The following ZFYVE26 variants were observed in gnomAD, a reference collection of about 807,000 sequenced individuals.
The protein encoded by ZFYVE26 is zinc finger FYVE domain-containing protein 26.
A neutral mutation model predicts 276.5 loss-of-function variants in ZFYVE26; 181 were observed. The ratio of observed to expected loss-of-function variants is 0.65; its 90% CI spans 0.58 to 0.74. The LOEUF (loss-of-function observed/expected upper bound fraction) is 0.74. Ranked by LOEUF, ZFYVE26 falls within the 30% of genes least tolerant of loss-of-function variation. The pLI, the probability that ZFYVE26 is intolerant of heterozygous loss-of-function variation, is 0.00. For missense variants in ZFYVE26, 2,821 were observed against 3,097.9 expected (o/e 0.91, Z 2.12); for synonymous variants, 1,129 against 1,203.1 (o/e 0.94, Z 1.27).
chr14:67,804,033 A>G, intron 9 of ZFYVE26, 68 bp downstream of exon 9: 1 of 1,595,678 alleles, frequency 6.3e-7, no homozygotes, highest in Non-Finnish European at 8.6e-7. Flanking sequence ...GATAAATCTC[A>G]TGCTGGAAGA....
At chr14:67,782,698 G>A (rs530170474) in intron 21 of ZFYVE26, 82 bp downstream of exon 21, 10 of 1,586,034 alleles carry the variant, frequency 6.3e-6, no homozygotes, top group African/African-American at 4.0e-5. Context: ...TAGAGTTACC[G>A]TGAGGATTAA....
At chr14:67,784,236 C>G in intron 20 of ZFYVE26, 98 bp downstream of exon 20, 1 of 1,011,688 alleles carries the variant, frequency 9.9e-7, no homozygotes, top group Admixed American at 1.7e-5. Context: ...AATCCCCACT[C>G]TCTGTGCTAA....
intron 10 of ZFYVE26, chr14:67,799,546 A>G (rs779935450): frequency 5.8e-6 from 9 of 1,543,146 alleles, no homozygotes; most frequent in Non-Finnish European, 7.2e-6. Context: ...AGATGGAAGC[A>G]AAGTACTGCA....
rs1039197349 is a variant in ZFYVE26, at chr14:67,762,008, T to A, written c.6369+195A>T. On this transcript the variant is annotated intron_variant, in intron 34 of 41. Transcript: ENST00000347230. ...AATTGTCTCCTTTTTTTAAAAAAAA[T>A]TACATCTATTACTTATCTAACCATA... is the stretch of plus-strand genomic sequence containing the variant. 16 of 615,156 alleles carry A rather than the reference T, an allele frequency of 2.6e-5. No homozygotes were observed. In the East Asian group the frequency reaches 3.1e-4, roughly 12 times the overall value. The allele number at this position is 615,156 out of a possible 1,614,324, so 38.1% of individuals were successfully genotyped here. A position where few individuals can be genotyped will look rare whatever the true frequency, so the allele number is the denominator to read the frequency against.
In ZFYVE26 at chr14:67,785,147, G is replaced by A. The variant is rs756973332; in HGVS notation, c.3435C>T (p.Gly1145=). The A allele has an allele frequency of 1.6e-5, 26 of 1,614,120 alleles. 1 individual carries two copies. The South Asian group carries it at 2.7e-4, about 17-fold the overall frequency. Residue 1145 remains glycine, a synonymous_variant, in exon 19 of 42, where the codon GGC becomes GGT. Coordinates refer to ENST00000347230, the MANE Select transcript of ZFYVE26 (RefSeq NM_015346.4). ...QKNLGKQTPS[G]SRQMDYLGTF... The stretch of plus-strand genomic sequence containing the variant: ...TGCCCAAGTAGTCCATCTGCCTGCT[G>A]CCTGATGGGGTCTGTTTGCCCAGGT...
chr14:67,803,968 C>A lies in ZFYVE26; in HGVS notation c.1435+133G>T, dbSNP rs2040127478. The A allele has an allele frequency of 3.4e-6, 4 of 1,176,130 alleles. No homozygotes were observed. In the African/African-American group the frequency reaches 4.5e-5, roughly 13 times the overall value. The allele number at this position is 1,176,130 out of a possible 1,614,324, so 72.9% of individuals were successfully genotyped here. The stretch of plus-strand genomic sequence containing the variant: ...TAAACTGATTAGGACAAACAGTGCT[C>A]ATTTAGAGGAGACCTCCTCACCACC... On this transcript the variant is annotated intron_variant, in intron 9 of 41. Transcript: ENST00000347230.
At chr14:67,797,451 G>A in intron 12 of ZFYVE26, 2 of 604,322 alleles carry the variant, frequency 3.3e-6, no homozygotes, top group Non-Finnish European at 5.9e-6. Flanking sequence ...ATAGTATAAT[G>A]CATGTGTATA....
chr14:67,729,487 C>A, exon 14 of ZFYVE26: 1 of 1,159,310 alleles, frequency 8.6e-7, no homozygotes, highest in Non-Finnish European at 1.3e-6. Context: ...ATGATGCAAT[C>A]CAGGTTTGGG....
exon 14 of ZFYVE26, chr14:67,729,520 G>A (rs1419412325): frequency 2.5e-6 from 2 of 801,440 alleles, no homozygotes; most frequent in Non-Finnish European, 4.2e-6. Context: ...ACAGAATGCC[G>A]TTGCTTTGTT....
chr14:67,729,714 A>G, exon 14 of ZFYVE26: 1 of 534,238 alleles, frequency 1.9e-6, no homozygotes. Flanking sequence ...CTTTTGGCTC[A>G]CTTGATTCAT....
intron 13 of ZFYVE26, 125 bp from the exon 14 acceptor site, chr14:67,793,884 GT>G (rs1203561247): frequency 8.8e-6 from 12 of 1,361,242 alleles, no homozygotes; most frequent in Non-Finnish European, 1.1e-5. Context: ...CTGTAAATAG[GT>G]CTTAATTTTT....
chr14:67,806,732 G>T, intron 5 of ZFYVE26, 57 bp from the exon 6 acceptor site: 1 of 1,607,402 alleles, frequency 6.2e-7, no homozygotes, highest in South Asian at 1.1e-5. Context: ...TTCTAAGCTA[G>T]AGCCCATTTG....
rs1394732167 is a variant in ZFYVE26, at chr14:67,756,029, T to C, written c.6705A>G (p.Gly2235=). The change falls in exon 36 of 42, where the codon GGA becomes GGG. Residue 2235 remains glycine (G), a synonymous_variant. Transcript: ENST00000347230. Reference sequence around the variant, plus strand: ...GTTGGCAGGCAGCAATCAAGTACTTTCCCCAGCTCTCCAAGGTTGGATCAA... The same window carrying C: ...GTTGGCAGGCAGCAATCAAGTACTTCCCCCAGCTCTCCAAGGTTGGATCAA... ...ESIDPTLESW[G]KYLIAACQHL... is the part of the protein sequence containing the mutation. The C allele has an allele frequency of 2.2e-5, 35 of 1,614,096 alleles. No individual in the cohort carries two copies. Among genetic ancestry groups the C allele is most frequent in the Non-Finnish European group, 3.0e-5 (35 of 1,180,048 alleles).
At chr14:67,754,269 C>G (rs2038721929) in intron 37 of ZFYVE26, 57 bp from the exon 38 acceptor site, 1 of 1,609,220 alleles carries the variant, frequency 6.2e-7, no homozygotes, top group Non-Finnish European at 8.5e-7. Flanking sequence ...GTGACTGAGG[C>G]CAGGAGACTG....
rs34373049 is a variant in ZFYVE26, at chr14:67,752,483, C to T, written c.7232G>A (p.Arg2411His). The stretch of plus-strand genomic sequence containing the variant: ...GTACTTCTCTTTCTCCACCAACTGG[C>T]GGGCAGCTCTGCAGTAGGTCATGGC... ...DAAMTYCRAA[R>H]QLVEKEKYSE... is the part of the protein sequence containing the mutation. Residue 2411 changes from arginine (R) to histidine (H), a missense_variant, in exon 40 of 42, where the codon CGC (arginine) becomes CAC (histidine). Arg to His is a conservative substitution (Grantham distance 29). Coordinates refer to ENST00000347230, the MANE Select transcript of ZFYVE26 (RefSeq NM_015346.4). 60,731 of 1,614,066 alleles carry T rather than the reference C, an allele frequency of 0.038. 1,399 individuals are homozygous for T. Among genetic ancestry groups the T allele is most frequent in the Non-Finnish European group, 0.043 (51,242 of 1,179,992 alleles).
At chr14:67,781,594 T>C (rs1437984414) in intron 21 of ZFYVE26, 65 bp from the exon 22 acceptor site, 2 of 1,492,608 alleles carry the variant, frequency 1.3e-6, no homozygotes, top group Admixed American at 1.7e-5. Context: ...AGAGTCCAGG[T>C]TACTTCTTGA....
rs373003258 is a variant in ZFYVE26 at position 67,772,129 on chromosome 14, G to A, written c.5402C>T (p.Ala1801Val). ...TQPSQEFVPP[A>V]TPPARHQWVP... ...CCACTGGTGCCTGGCAGGGGGTGTCGCTGGGGGCACAAATTCCTGTGAGGG... is the reference window on the plus strand; with the variant it reads ...CCACTGGTGCCTGGCAGGGGGTGTCACTGGGGGCACAAATTCCTGTGAGGG... The change falls in exon 28 of 42, where the codon GCG (alanine) becomes GTG (valine). Residue 1801 changes from alanine to valine, a missense_variant. Transcript: ENST00000347230. 11 of 1,612,798 alleles carry A rather than the reference G, an allele frequency of 6.8e-6. No homozygotes were observed. The highest frequency in any genetic ancestry group is 8.5e-6 in the Non-Finnish European group (10 of 1,179,694).
chr14:67,777,597 G>A lies in ZFYVE26; in HGVS notation c.4936C>T (p.Arg1646Ter), dbSNP rs768366199. The change falls in exon 25 of 42, where the codon CGA becomes TGA. Residue 1646 changes from arginine (R) to a stop codon, truncating the protein, a stop_gained. Transcript: ENST00000347230. LOFTEE classifies it high-confidence loss of function. ...THFYGQLTAVRHREIQALYVG... is the reference protein window; with the variant it reads ...THFYGQLTAV ...TACAGCGCCTGGATTTCACGGTGTC[G>A]GACAGCAGTCAGTTGTCCATAGAAG... The A allele has an allele frequency of 7.4e-6, 12 of 1,613,954 alleles. No homozygotes were observed. Among genetic ancestry groups the A allele is most frequent in the South Asian group, 2.2e-5 (2 of 91,068 alleles).
chr14:67,788,932 T>TA (rs954817587), intron 16 of ZFYVE26, among the ~76,000 whole-genome samples: 6 of 152,286 alleles, frequency 3.9e-5, no homozygotes, highest in African/African-American at 1.4e-4. Flanking sequence ...TCTGCACTGT[T>TA]ATTCACCTCA....
Sources: gnomAD v4.1 joint callset for allele counts (sites outside exome capture counted in the v4.1 genomes callset) on GRCh38, gnomAD v4.1.1 for gene constraint, MANE v1.5 for transcripts, NCBI Gene and HGNC (gene_info 2026-07-23, HGNC 2026-07-21) for gene names.